CSMD1: variants seen among roughly 807,000 people sequenced by gnomAD.
CSMD1 encodes CUB and sushi domain-containing protein 1.
In CSMD1, 213 loss-of-function variants were observed where a neutral mutation model predicts 417.5. The ratio of observed to expected loss-of-function variants is 0.51; its 90% CI spans 0.46 to 0.57. The LOEUF is 0.57. Ranked by LOEUF, CSMD1 falls within the 20% of genes least tolerant of loss-of-function variation. The pLI is 0.00. For synonymous variants in CSMD1, 2,862 were observed against 1,736.8 expected (o/e 1.65, Z -16.11); for missense variants, 6,923 against 4,529.7 (o/e 1.53, Z -15.17).
At chr8:4,442,491 T>C (rs1170731065) in intron 2 of CSMD1, among the ~76,000 whole-genome samples, 1 of 152,138 alleles carries the variant, frequency 6.6e-6, no homozygotes, top group East Asian at 1.9e-4. Flanking sequence ...ACATCTGTTA[T>C]GTATATAAAA....
chr8:4,246,062 G>A (rs187195775), intron 3 of CSMD1, among the ~76,000 whole-genome samples: 2 of 152,234 alleles, frequency 1.3e-5, no homozygotes, highest in Non-Finnish European at 2.9e-5. Context: ...TGGTAGAAGT[G>A]CAGGTTTGTT....
chr8:4,177,328 A>T (rs1010334014), intron 3 of CSMD1, among the ~76,000 whole-genome samples: 1 of 152,046 alleles, frequency 6.6e-6, no homozygotes, highest in Non-Finnish European at 1.5e-5. Context: ...TCCTGAATGA[A>T]TACTGGGTAC....
chr8:2,996,725 T>G (rs1362279879), intron 54 of CSMD1, among the ~76,000 whole-genome samples: 1 of 152,234 alleles, frequency 6.6e-6, no homozygotes, highest in Non-Finnish European at 1.5e-5. Context: ...GTTTTGCATC[T>G]CCTCTTATTT....
chr8:4,041,777 C>G (rs1272938565), intron 3 of CSMD1, among the ~76,000 whole-genome samples: 2 of 151,898 alleles, frequency 1.3e-5, no homozygotes, highest in Non-Finnish European at 2.9e-5. Context: ...TGTCTTGAGA[C>G]ATGGGAAATA....
At chr8:3,643,806 G>A (rs887570579) in intron 7 of CSMD1, among the ~76,000 whole-genome samples, 6 of 151,786 alleles carry the variant, frequency 4.0e-5, no homozygotes, top group Non-Finnish European at 5.9e-5. Context: ...AGAAGGGGAG[G>A]AATCAAACCA....
chr8:3,465,461 C>A (rs772739477), intron 12 of CSMD1, among the ~76,000 whole-genome samples: 1 of 152,118 alleles, frequency 6.6e-6, no homozygotes, highest in Non-Finnish European at 1.5e-5. Context: ...TCCTGGTCCA[C>A]GTGTCCTGAG....
chr8:3,841,865 G>C (rs1256192277), intron 5 of CSMD1, among the ~76,000 whole-genome samples: 3 of 151,496 alleles, frequency 2.0e-5, no homozygotes, highest in Non-Finnish European at 4.4e-5. Context: ...CAAGGGTCCT[G>C]GCCCTTGGGT....
chr8:3,220,727 A>G (rs1157874191), intron 28 of CSMD1, among the ~76,000 whole-genome samples: 1 of 152,096 alleles, frequency 6.6e-6, no homozygotes, highest in Non-Finnish European at 1.5e-5. Context: ...GCTGCTCGGG[A>G]GGCTGAGGCA....
intron 3 of CSMD1, among the ~76,000 whole-genome samples, chr8:4,208,429 G>A (rs1563275510): frequency 6.6e-6 from 1 of 152,002 alleles, no homozygotes; most frequent in Admixed American, 6.6e-5. Flanking sequence ...ACTCTATTAT[G>A]GTTTTTCAAA....
intron 3 of CSMD1, among the ~76,000 whole-genome samples, chr8:4,228,466 C>G (rs1305388845): frequency 6.6e-6 from 1 of 152,128 alleles, no homozygotes; most frequent in Non-Finnish European, 1.5e-5. Context: ...AGCAGCACCA[C>G]ACAGCTTCCA....
At chr8:4,098,704 C>G (rs1801151025) in intron 3 of CSMD1, among the ~76,000 whole-genome samples, 1 of 152,196 alleles carries the variant, frequency 6.6e-6, no homozygotes, top group African/African-American at 2.4e-5. Context: ...TCTGTAGCAC[C>G]TACTCTAGGT....
chr8:4,957,479 AC>A (rs1809195882), intron 1 of CSMD1, among the ~76,000 whole-genome samples: 1 of 152,210 alleles, frequency 6.6e-6, no homozygotes, highest in Admixed American at 6.5e-5. Context: ...TTCAGGGAAG[AC>A]ACACATATCA....
chr8:4,246,820 G>C (rs190836287), intron 3 of CSMD1, among the ~76,000 whole-genome samples: 3 of 152,114 alleles, frequency 2.0e-5, no homozygotes, highest in Non-Finnish European at 4.4e-5. Flanking sequence ...CATTTGACTT[G>C]TAAATAAATG....
intron 3 of CSMD1, among the ~76,000 whole-genome samples, chr8:4,063,813 C>T (rs940406602): frequency 1.3e-5 from 2 of 152,200 alleles, no homozygotes; most frequent in Non-Finnish European, 2.9e-5. Flanking sequence ...TATCTGAGAG[C>T]ACTTTGAATG....
At chr8:4,840,318 C>T (rs757718240) in intron 1 of CSMD1, among the ~76,000 whole-genome samples, 6 of 152,192 alleles carry the variant, frequency 3.9e-5, no homozygotes, top group Non-Finnish European at 7.3e-5. Context: ...TTCTATTCAG[C>T]ACAGCTGTTA....
At chr8:3,439,035 A>C (rs1222496080) in intron 12 of CSMD1, among the ~76,000 whole-genome samples, 1 of 141,328 alleles carries the variant, frequency 7.1e-6, no homozygotes, top group African/African-American at 2.6e-5. Context: ...GGCAGGGAGA[A>C]TTGCTTCAAT....
chr8:4,070,180 C>T lies in CSMD1; in HGVS notation c.416-38081G>A, dbSNP rs1309043615. ...TATAAAGAATGCAATTTTAGAGGTG[C>T]ATTTACCAAACCTCTTTTTTTCTGT... On this transcript the variant is annotated intron_variant, in intron 3 of 69. Coordinates refer to ENST00000635120, the MANE Select transcript of CSMD1 (RefSeq NM_033225.6). Among the ~76,000 whole-genome samples, 12 of 152,120 alleles carry T rather than the reference C, an allele frequency of 7.9e-5. No individual in the cohort carries two copies. In the South Asian group the frequency reaches 1.0e-3, roughly 13 times the overall value.
intron 3 of CSMD1, among the ~76,000 whole-genome samples, chr8:4,331,912 C>T (rs1158472248): frequency 6.6e-6 from 1 of 152,086 alleles, no homozygotes; most frequent in African/African-American, 2.4e-5. Flanking sequence ...AAGCCCACAT[C>T]GTAATGATTT....
intron 1 of CSMD1, among the ~76,000 whole-genome samples, chr8:4,852,206 T>G (rs1026067228): frequency 9.2e-5 from 14 of 152,218 alleles, no homozygotes; most frequent in Non-Finnish European, 1.0e-4. Flanking sequence ...CTTATATGGT[T>G]TGGATATTTG....
Sources: gnomAD v4.1 joint callset for allele counts (sites outside exome capture counted in the v4.1 genomes callset) on GRCh38, gnomAD v4.1.1 for gene constraint, MANE v1.5 for transcripts, NCBI Gene and HGNC (gene_info 2026-07-23, HGNC 2026-07-21) for gene names.